Variants in DLEU7 observed in about 807,000 individuals in gnomAD.
The protein encoded by DLEU7 is deleted in lymphocytic leukemia 7.
In DLEU7, 17 loss-of-function variants were observed where a neutral mutation model predicts 16.0. The ratio of observed to expected loss-of-function variants is 1.06; its 90% CI spans 0.73 to 1.59. The LOEUF is 1.59. DLEU7 is among the 40% of genes most tolerant of loss of function. The pLI is 0.00. For synonymous variants in DLEU7, 113 were observed against 139.8 expected (o/e 0.81, Z 1.35); for missense variants, 308 against 314.9 (o/e 0.98, Z 0.17).
At chr13:50,753,067 A>G (rs1874626530) in intron 1 of DLEU7, among the ~76,000 whole-genome samples, 1 of 152,012 alleles carries the variant, frequency 6.6e-6, no homozygotes, top group South Asian at 2.1e-4. Flanking sequence ...CCACCACAGT[A>G]CCTAGATACA....
intron 1 of DLEU7, among the ~76,000 whole-genome samples, chr13:50,812,581 A>T (rs1356111225): frequency 6.6e-6 from 1 of 152,166 alleles, no homozygotes; most frequent in Non-Finnish European, 1.5e-5. Flanking sequence ...CATGCATCTG[A>T]GGTGTAGCAC....
intron 1 of DLEU7, among the ~76,000 whole-genome samples, chr13:50,826,585 C>T (rs1407635633): frequency 4.6e-5 from 7 of 151,948 alleles, no homozygotes; most frequent in East Asian, 1.9e-4. Context: ...GAAAGTCCAA[C>T]GAACACTTCT....
At chr13:50,711,168 C>CA (rs35010004), downstream of DLEU7, 1 of 152,132 alleles carries the variant, frequency 6.6e-6, no homozygotes, top group South Asian at 2.1e-4. Context: ...TCTGTACCCT[C>CA]AAAAATATTG....
chr13:50,841,154 T>C (rs1877645367), intron 1 of DLEU7, among the ~76,000 whole-genome samples: 1 of 152,158 alleles, frequency 6.6e-6, no homozygotes, highest in Non-Finnish European at 1.5e-5. Flanking sequence ...TTCTGTGATT[T>C]ATCCAGGCTT....
chr13:50,832,474 A>G (rs1206140129), intron 1 of DLEU7, among the ~76,000 whole-genome samples: 2 of 151,996 alleles, frequency 1.3e-5, no homozygotes, highest in East Asian at 1.9e-4. Flanking sequence ...TCATGTCTCT[A>G]TCTCCTTCAG....
At chr13:50,732,407 G>C (rs574140685) in intron 1 of DLEU7, among the ~76,000 whole-genome samples, 2 of 151,998 alleles carry the variant, frequency 1.3e-5, no homozygotes, top group South Asian at 4.2e-4. Context: ...TCAGGAGCTC[G>C]AGACCAGCCT....
intron 1 of DLEU7, among the ~76,000 whole-genome samples, chr13:50,833,333 AAGCAACTTC>A (rs1174616827): frequency 6.6e-6 from 1 of 152,252 alleles, no homozygotes; most frequent in Non-Finnish European, 1.5e-5. Flanking sequence ...TTAAGCTGAT[AAGCAACTTC>A]AGCAAAGTCT....
At chr13:50,765,926 T>C (rs1413540751) in intron 1 of DLEU7, among the ~76,000 whole-genome samples, 1 of 152,238 alleles carries the variant, frequency 6.6e-6, no homozygotes, top group Admixed American at 6.5e-5. Context: ...CTCTAAGCAC[T>C]TTTAGTGATG....
chr13:50,716,585 A>G (rs1187997061), intron 1 of DLEU7, among the ~76,000 whole-genome samples: 1 of 152,228 alleles, frequency 6.6e-6, no homozygotes, highest in African/African-American at 2.4e-5. Context: ...CTAACTATAT[A>G]CACGTGGGCA....
intron 1 of DLEU7, among the ~76,000 whole-genome samples, chr13:50,756,915 T>A (rs1314420478): frequency 6.6e-6 from 1 of 152,134 alleles, no homozygotes; most frequent in Non-Finnish European, 1.5e-5. Context: ...TACCCCTGTA[T>A]TTTGCTGGGC....
chr13:50,790,023 C>T (rs1356580301), intron 1 of DLEU7, among the ~76,000 whole-genome samples: 1 of 151,532 alleles, frequency 6.6e-6, no homozygotes, highest in African/African-American at 2.4e-5. Context: ...ACCTCCGCCT[C>T]CCAGGTTCAA....
intron 1 of DLEU7, among the ~76,000 whole-genome samples, chr13:50,751,180 TG>T (rs1874553921): frequency 6.6e-6 from 1 of 152,174 alleles, no homozygotes; most frequent in Non-Finnish European, 1.5e-5. Context: ...CCACGTCTAT[TG>T]AGATATCACG....
intron 1 of DLEU7, among the ~76,000 whole-genome samples, chr13:50,717,101 ATACTT>A (rs1873459787): frequency 6.6e-6 from 1 of 152,234 alleles, no homozygotes; most frequent in South Asian, 2.1e-4. Flanking sequence ...AGGATCTTTA[ATACTT>A]TAGCTTTAAG....
At chr13:50,715,625 G>C (rs1200734566) in intron 1 of DLEU7, 2 of 152,608 alleles carry the variant, frequency 1.3e-5, no homozygotes, top group South Asian at 2.1e-4. Context: ...GAGACACAAG[G>C]AACCCCAGCA....
intron 1 of DLEU7, chr13:50,715,493 A>T (rs377165047): frequency 1.6e-4 from 24 of 152,836 alleles, no homozygotes; most frequent in African/African-American, 5.1e-4. Flanking sequence ...AGGGGGCGAG[A>T]GCTGGAGAAG....
chr13:50,812,668 A>G (rs1476888957), intron 1 of DLEU7, among the ~76,000 whole-genome samples: 1 of 152,138 alleles, frequency 6.6e-6, no homozygotes, highest in Non-Finnish European at 1.5e-5. Flanking sequence ...ATCAATCACA[A>G]TTAGGATTCA....
chr13:50,714,212 C>T (rs959225866), intron 1 of DLEU7, among the ~76,000 whole-genome samples: 9 of 152,198 alleles, frequency 5.9e-5, no homozygotes, highest in South Asian at 2.1e-4. Flanking sequence ...CCTTGGATCC[C>T]GCCATGCCTG....
intron 1 of DLEU7, among the ~76,000 whole-genome samples, chr13:50,831,871 A>G (rs1877278034): frequency 6.6e-6 from 1 of 152,162 alleles, no homozygotes. Context: ...TTGATGTGCT[A>G]CTGGATTCAG....
intron 1 of DLEU7, among the ~76,000 whole-genome samples, chr13:50,758,431 TA>T (rs1357162878): frequency 3.9e-5 from 6 of 152,206 alleles, no homozygotes; most frequent in African/African-American, 1.4e-4. Flanking sequence ...GTGAGCAGTG[TA>T]AAAAAAATTT....
Sources: gnomAD v4.1 joint callset for allele counts (sites outside exome capture counted in the v4.1 genomes callset) on GRCh38, gnomAD v4.1.1 for gene constraint, MANE v1.5 for transcripts, NCBI Gene and HGNC (gene_info 2026-07-23, HGNC 2026-07-21) for gene names.